SLC16A1: variants seen among roughly 807,000 people sequenced by gnomAD.
SLC16A1 encodes the protein solute carrier family 16 member 1, also known as monocarboxylate transporter 1.
A neutral mutation model predicts 32.2 loss-of-function variants in SLC16A1; 11 were observed. The observed-to-expected ratio is 0.34, with a 90% CI of 0.21 to 0.56. The LOEUF (loss-of-function observed/expected upper bound fraction) is 0.56. Among genes scored for constraint, SLC16A1 ranks in the 20% least tolerant of loss-of-function variants. The pLI is 0.87. For missense variants in SLC16A1, 435 were observed against 615.0 expected (o/e 0.71, Z 3.10); for synonymous variants, 231 against 226.8 (o/e 1.02, Z -0.17).
At position 112,917,087 on chromosome 1, in the gene SLC16A1, A is replaced by T. The variant is rs768218500; in HGVS notation, c.1228+91T>A. 50 of 1,515,142 alleles carry T rather than the reference A, an allele frequency of 3.3e-5. No homozygotes were observed. Among genetic ancestry groups the T allele is most frequent in the Non-Finnish European group, 4.5e-5 (49 of 1,097,544 alleles). 93.9% of individuals were successfully genotyped at this position (1,515,142 alleles called of 1,614,324 possible). ...AATGAGAAAGATTTATTCTTACCCA[A>T]ATAGCTCACTAATGTTTGCTTTCTG... On this transcript the variant is annotated intron_variant, in intron 4 of 4. Coordinates refer to ENST00000369626, the MANE Select transcript of SLC16A1 (RefSeq NM_003051.4). This position sits in a 1 kb window ranked among gnomAD's most constrained non-coding sequence, Gnocchi z 4.1.
At position 112,947,466 on chromosome 1, in the gene SLC16A1, GAT is replaced by G. The variant is rs901712132; in HGVS notation, c.-45+8567_-45+8568del. On this transcript the variant is annotated intron_variant, in intron 1 of 4. Coordinates refer to ENST00000369626, the MANE Select transcript of SLC16A1 (RefSeq NM_003051.4). ...GTGGATTATAATTCATTAAGAAAAA[GAT>G]AAACAACAGAGAAAGCTTTTCCTTT... Among the ~76,000 whole-genome samples, 59 of 152,272 alleles carry G rather than the reference GAT, an allele frequency of 3.9e-4. 1 individual carries two copies. Among genetic ancestry groups the G allele is most frequent in the Middle Eastern group, 3.4e-3 (1 of 292 alleles).
At chr1:112,920,566 A>C (rs1342466020) in intron 3 of SLC16A1, among the ~76,000 whole-genome samples, 1 of 152,212 alleles carries the variant, frequency 6.6e-6, no homozygotes, top group Non-Finnish European at 1.5e-5. Flanking sequence ...AGATCATGCC[A>C]TAGCAGTCTA....
rs1241322638 is a variant in SLC16A1, at chr1:112,913,549, A to G, written c.*342T>C. On this transcript the variant is annotated 3_prime_UTR_variant, in exon 5 of 5. Transcript: ENST00000369626. ...TTAACACAACACTCGAAATAGATGA[A>G]TTCAGCAAAAATGGTTTAAGAAGTT... 4.0e-6 allele frequency: 1 copy of G among 247,596 alleles called. No homozygotes were observed. Among genetic ancestry groups the G allele is most frequent in the African/African-American group, 2.2e-5 (1 of 44,598 alleles). The allele number at this position is 247,596 out of a possible 1,614,324, so 15.3% of individuals were successfully genotyped here. A position where few individuals can be genotyped will look rare whatever the true frequency, so the allele number is the denominator to read the frequency against.
At chr1:112,922,434 T>C in intron 2 of SLC16A1, 1 of 405,190 alleles carries the variant, frequency 2.5e-6, no homozygotes, top group East Asian at 5.7e-5. Context: ...ACCTTGGTAA[T>C]GGATGTTCAC....
In SLC16A1 at chr1:112,917,877, T is replaced by C; in HGVS notation, c.529A>G (p.Ser177Gly). Residue 177 changes from serine (S) to glycine (G), a missense_variant, in exon 4 of 5, where the codon AGC becomes GGC. Physicochemically the swap from Ser to Gly is moderately conservative, Grantham distance 56. Around this residue, in one of 2 missense-constraint regions of SLC16A1, gnomAD observed 324 missense variants for 500.3 expected, o/e 0.65. Transcript: ENST00000369626. The surrounding 1 kb of genome is among the most constrained non-coding windows in gnomAD (Gnocchi z 4.1). ...VFFGIFGWRG[S>G]FLILGGLLLN... is the part of the protein sequence containing the mutation. ...AGCAAGCCCCCAAGAATTAGAAAGC[T>C]TCCTCTCCATCCAAAGATACCGAAG... 2 of 1,611,420 alleles carry C rather than the reference T, an allele frequency of 1.2e-6. No individual in the cohort carries two copies. Among genetic ancestry groups the C allele is most frequent in the South Asian group, 1.1e-5 (1 of 90,774 alleles).
chr1:112,925,476 C>T (rs1473250048), intron 2 of SLC16A1, among the ~76,000 whole-genome samples: 16 of 151,928 alleles, frequency 1.1e-4, no homozygotes. Flanking sequence ...ACCTCCTGGG[C>T]TCATTCAATC....
At chr1:112,955,023 G>A (rs1328371476) in intron 1 of SLC16A1, among the ~76,000 whole-genome samples, 1 of 152,068 alleles carries the variant, frequency 6.6e-6, no homozygotes, top group Non-Finnish European at 1.5e-5. Context: ...ACAAGTTATA[G>A]TAAGTTACAG....
At chr1:112,930,542 A>AT (rs35355323) in intron 1 of SLC16A1, among the ~76,000 whole-genome samples, 2 of 152,132 alleles carry the variant, frequency 1.3e-5, no homozygotes, top group Non-Finnish European at 2.9e-5. Flanking sequence ...ATTGCCCATA[A>AT]TTTTTTGTAG....
Position 112,917,726 on chromosome 1 carries a change from T to C in SLC16A1, c.680A>G (p.His227Arg), listed in dbSNP as rs549501840. ...AGKSGVKKDLHDANTDLIGRH... is the reference protein window; with the variant it reads ...AGKSGVKKDLRDANTDLIGRH... ...TCCAATAAGATCTGTATTTGCATCA[T>C]GCAGATCTTTTTTCACACCAGATTT... is the stretch of plus-strand genomic sequence containing the variant. The change falls in exon 4 of 5, where the codon CAT becomes CGT. Residue 227 changes from histidine (H) to arginine (R), a missense_variant. By Grantham distance (29) the His-to-Arg change is conservative. Transcript: ENST00000369626. The surrounding 1 kb of genome is among the most constrained non-coding windows in gnomAD (Gnocchi z 4.1). 13 of 1,614,248 alleles carry C rather than the reference T, an allele frequency of 8.1e-6. No individual in the cohort carries two copies. Among genetic ancestry groups the C allele is most frequent in the Middle Eastern group, 1.6e-4 (1 of 6,062 alleles).
At chr1:112,937,932 T>A (rs2101641980) in intron 1 of SLC16A1, among the ~76,000 whole-genome samples, 1 of 152,292 alleles carries the variant, frequency 6.6e-6, no homozygotes, top group South Asian at 2.1e-4. Context: ...AATCACCTTC[T>A]AGATTTTCTG....
chr1:112,952,907 A>G (rs1298942279), intron 1 of SLC16A1, among the ~76,000 whole-genome samples: 1 of 152,130 alleles, frequency 6.6e-6, no homozygotes, highest in African/African-American at 2.4e-5. Context: ...ATAAACTCGT[A>G]TTTGTTCAAG....
intron 1 of SLC16A1, chr1:112,955,331 C>T (rs1650041204): frequency 6.6e-6 from 1 of 152,162 alleles, no homozygotes; most frequent in African/African-American, 2.4e-5. Flanking sequence ...AGATTTCTCT[C>T]AACAGGGCCG....
intron 3 of SLC16A1, among the ~76,000 whole-genome samples, chr1:112,921,430 C>A (rs1212948470): frequency 6.6e-6 from 1 of 151,994 alleles, no homozygotes; most frequent in African/African-American, 2.4e-5. Context: ...TGACAAAAAT[C>A]TGGTTATAAA....
At chr1:112,927,432 G>T (rs1310012350) in intron 2 of SLC16A1, among the ~76,000 whole-genome samples, 1 of 152,066 alleles carries the variant, frequency 6.6e-6, no homozygotes, top group East Asian at 1.9e-4. Context: ...CATATCTCAA[G>T]ACGTATTAGT....
chr1:112,938,080 T>C (rs1285528647), intron 1 of SLC16A1, among the ~76,000 whole-genome samples: 1 of 152,210 alleles, frequency 6.6e-6, no homozygotes, highest in East Asian at 1.9e-4. Context: ...GTATTCATCA[T>C]GTTCTGTACA....
chr1:112,918,843 G>C (rs1471037511), intron 3 of SLC16A1, among the ~76,000 whole-genome samples: 2 of 151,856 alleles, frequency 1.3e-5, no homozygotes, highest in East Asian at 3.8e-4. Context: ...AGTACAAAAT[G>C]ATCCCTTCCA....
chr1:112,927,112 C>G (rs1648968280), intron 2 of SLC16A1, among the ~76,000 whole-genome samples: 1 of 142,262 alleles, frequency 7.0e-6, no homozygotes. Flanking sequence ...ACAGTGAGAC[C>G]CTGTGTCAAA....
chr1:112,924,794 A>C (rs561981641), intron 2 of SLC16A1, among the ~76,000 whole-genome samples: 95 of 152,196 alleles, frequency 6.2e-4, no homozygotes, highest in African/African-American at 2.2e-3. Flanking sequence ...GGCTGAGGCG[A>C]AGAATCACTT....
At chr1:112,920,531 AG>A (rs1648685060) in intron 3 of SLC16A1, among the ~76,000 whole-genome samples, 1 of 152,172 alleles carries the variant, frequency 6.6e-6, no homozygotes, top group Non-Finnish European at 1.5e-5. Context: ...GCTTGAACCC[AG>A]GAGGCGGAGA....
Sources: gnomAD v4.1 joint callset for allele counts (sites outside exome capture counted in the v4.1 genomes callset) on GRCh38, gnomAD v4.1.1 for gene constraint, gnomAD v4.1.1 regional missense constraint, Gnocchi (gnomAD v3.1) non-coding constraint, MANE v1.5 for transcripts, NCBI Gene and HGNC (gene_info 2026-07-23, HGNC 2026-07-21) for gene names.